The following VPS53 variants were observed in gnomAD, a reference collection of about 807,000 sequenced individuals.
VPS53 encodes the protein vacuolar protein sorting-associated protein 53 homolog.
A neutral mutation model predicts 107.0 loss-of-function variants in VPS53; 70 were observed. That is an observed-to-expected ratio of 0.65 (90% confidence interval 0.54 to 0.80). The LOEUF is 0.80. VPS53 is among the 30% of genes least tolerant of loss of function. The pLI is 0.00. For synonymous variants in VPS53, 409 were observed against 393.3 expected (o/e 1.04, Z -0.47); for missense variants, 917 against 1,049.4 (o/e 0.87, Z 1.74).
intron 12 of VPS53, among the ~76,000 whole-genome samples, chr17:598,164 G>A (rs1968080599): frequency 6.6e-6 from 1 of 152,126 alleles, no homozygotes; most frequent in African/African-American, 2.4e-5. Context: ...GGTTTCGCTG[G>A]GTTGGCCAGG....
chr17:536,836 A>G, intron 18 of VPS53, 192 bp downstream of exon 18: 1 of 634,916 alleles, frequency 1.6e-6, no homozygotes, highest in Non-Finnish European at 2.6e-6. Context: ...AGGTTCATCC[A>G]CTGTAACGAA....
At chr17:551,806 G>A (rs1911844417) in intron 17 of VPS53, 66 bp downstream of exon 17, 3 of 1,380,276 alleles carry the variant, frequency 2.2e-6, no homozygotes, top group Middle Eastern at 2.3e-4. Context: ...CTACAGACAA[G>A]GGCCAGTAGA....
At chr17:535,388 G>A (rs778324488) in intron 18 of VPS53, among the ~76,000 whole-genome samples, 3 of 135,148 alleles carry the variant, frequency 2.2e-5, no homozygotes, top group Non-Finnish European at 3.4e-5. Context: ...GCTGGGAGAC[G>A]CCGGGACTGG....
chr17:535,556 C>T (rs372675126), intron 18 of VPS53, among the ~76,000 whole-genome samples: 17 of 152,276 alleles, frequency 1.1e-4, no homozygotes, highest in East Asian at 5.8e-4. Flanking sequence ...GCTAAGTCAA[C>T]GGACTCCTCC....
intron 10 of VPS53, among the ~76,000 whole-genome samples, chr17:624,096 G>T (rs1024209871): frequency 1.3e-5 from 2 of 151,628 alleles, no homozygotes; most frequent in African/African-American, 4.9e-5. Context: ...GACCTCAAGA[G>T]ATCCGCCCAC....
chr17:680,878 G>C (rs117426683), intron 4 of VPS53, among the ~76,000 whole-genome samples: 2,364 of 152,198 alleles, frequency 0.016, 24 homozygotes, highest in Middle Eastern at 0.031. Context: ...ATCCTAAAGA[G>C]CATTTCTAAA....
intron 13 of VPS53, among the ~76,000 whole-genome samples, chr17:565,485 G>C (rs148090831): frequency 5.3e-4 from 80 of 151,628 alleles, no homozygotes; most frequent in Middle Eastern, 3.2e-3. Flanking sequence ...CCCTCAAAGA[G>C]CTTCTGGCCT....
chr17:553,780 G>C (rs1912090559), intron 15 of VPS53, among the ~76,000 whole-genome samples: 1 of 152,044 alleles, frequency 6.6e-6, no homozygotes, highest in Non-Finnish European at 1.5e-5. Flanking sequence ...ATGTTGGTCA[G>C]GCCGGTCTCA....
chr17:708,999 A>G (rs915362656), intron 2 of VPS53, among the ~76,000 whole-genome samples: 1 of 152,066 alleles, frequency 6.6e-6, no homozygotes, highest in Non-Finnish European at 1.5e-5. Flanking sequence ...CCTGGAAGAG[A>G]TACCTAGCTG....
chr17:574,694 G>A (rs1914453081), intron 13 of VPS53, among the ~76,000 whole-genome samples: 1 of 152,162 alleles, frequency 6.6e-6, no homozygotes, highest in Non-Finnish European at 1.5e-5. Context: ...AAACCCAGGA[G>A]GTTGAGGCTA....
chr17:609,214 C>T (rs1968726106), intron 11 of VPS53, among the ~76,000 whole-genome samples: 2 of 152,130 alleles, frequency 1.3e-5, no homozygotes, highest in Non-Finnish European at 2.9e-5. Flanking sequence ...TATGGATTTG[C>T]CTCTTTTGGG....
chr17:598,100 T>TGC (rs1160775621), intron 12 of VPS53, among the ~76,000 whole-genome samples: 5 of 152,200 alleles, frequency 3.3e-5, no homozygotes, highest in Non-Finnish European at 7.3e-5. Flanking sequence ...GCCTGCCGAG[T>TGC]GCCTGCGATT....
At chr17:585,412 T>G (rs945237120) in intron 13 of VPS53, among the ~76,000 whole-genome samples, 1 of 152,136 alleles carries the variant, frequency 6.6e-6, no homozygotes, top group Non-Finnish European at 1.5e-5. Flanking sequence ...ATTCCAGCAC[T>G]TTGGGAGGCT....
chr17:559,883 T>A (rs1037895707), intron 15 of VPS53, among the ~76,000 whole-genome samples: 2 of 152,248 alleles, frequency 1.3e-5, no homozygotes, highest in African/African-American at 4.8e-5. Flanking sequence ...ACTATGGCCA[T>A]GTGGGGGCCT....
intron 13 of VPS53, among the ~76,000 whole-genome samples, chr17:585,573 T>C (rs1183862216): frequency 1.3e-5 from 2 of 151,828 alleles, no homozygotes; most frequent in Non-Finnish European, 2.9e-5. Flanking sequence ...GCCCAGGAGA[T>C]GGAGGATGCA....
chr17:647,775 G>A (rs1970767691), intron 7 of VPS53, among the ~76,000 whole-genome samples: 2 of 152,180 alleles, frequency 1.3e-5, no homozygotes, highest in African/African-American at 2.4e-5. Context: ...CTGCCCCGGA[G>A]CGTCAGAAAT....
intron 7 of VPS53, among the ~76,000 whole-genome samples, chr17:638,257 C>G (rs1458838755): frequency 6.6e-6 from 1 of 151,550 alleles, no homozygotes; most frequent in Non-Finnish European, 1.5e-5. Context: ...TTTTTGTTTT[C>G]CATTTGCTTG....
chr17:631,149 C>T (rs1450439848), intron 8 of VPS53, among the ~76,000 whole-genome samples: 1 of 152,016 alleles, frequency 6.6e-6, no homozygotes, highest in Non-Finnish European at 1.5e-5. Context: ...CTGAGAGTTA[C>T]ATAAGATGGT....
In VPS53 at chr17:673,180, C is replaced by A. The variant is rs73976847; in HGVS notation, c.286-11285G>T. ...ATCATTTCGAAAGCCAGGAGGTCCT[C>A]CAGAGAGCAGAAACATGGATGAGTG... On this transcript the variant is annotated intron_variant, in intron 4 of 21. Transcript: ENST00000437048. 6.6e-3 allele frequency among the ~76,000 whole-genome samples: 1,000 copies of A among 152,062 alleles called. 14 individuals are homozygous for A. The highest frequency in any genetic ancestry group is 0.023 in the African/African-American group (958 of 41,498).
Sources: gnomAD v4.1 joint callset for allele counts (sites outside exome capture counted in the v4.1 genomes callset) on GRCh38, gnomAD v4.1.1 for gene constraint, MANE v1.5 for transcripts, NCBI Gene and HGNC (gene_info 2026-07-23, HGNC 2026-07-21) for gene names.